Variants in PPA2 observed in about 807,000 individuals in gnomAD.
PPA2 encodes the protein inorganic pyrophosphatase 2, mitochondrial.
A neutral mutation model predicts 49.5 loss-of-function variants in PPA2; 48 were observed. The ratio of observed to expected loss-of-function variants is 0.97; its 90% CI spans 0.77 to 1.23. The LOEUF is 1.23. PPA2 is among the 50% of genes most tolerant of loss of function. The pLI is 0.00. For synonymous variants in PPA2, 131 were observed against 139.9 expected (o/e 0.94, Z 0.45); for missense variants, 429 against 410.1 (o/e 1.05, Z -0.40).
intron 7 of PPA2, among the ~76,000 whole-genome samples, chr4:105,412,796 C>T (rs1722823694): frequency 6.6e-6 from 1 of 152,162 alleles, no homozygotes; most frequent in African/African-American, 2.4e-5. Context: ...TCATCTCACG[C>T]CAGTTAGAAT....
At chr4:105,375,709 G>A (rs1427803318) in intron 10 of PPA2, among the ~76,000 whole-genome samples, 1 of 152,026 alleles carries the variant, frequency 6.6e-6, no homozygotes, top group African/African-American at 2.4e-5. Context: ...CAGATGCCAG[G>A]GAATGCCTTC....
intron 7 of PPA2, among the ~76,000 whole-genome samples, chr4:105,407,870 T>C (rs1284352224): frequency 6.6e-6 from 1 of 152,138 alleles, no homozygotes; most frequent in Non-Finnish European, 1.5e-5. Context: ...CACAGGGGTA[T>C]GTGGGAATTT....
chr4:105,376,471 TATC>T (rs1358682840), intron 10 of PPA2, among the ~76,000 whole-genome samples: 1 of 152,218 alleles, frequency 6.6e-6, no homozygotes, highest in Admixed American at 6.5e-5. Flanking sequence ...CCATCATCAC[TATC>T]ATCTCTGAGT....
chr4:105,446,518 A>G lies in PPA2; in HGVS notation c.322-16T>C, dbSNP rs1209009969. 2 of 1,594,266 alleles carry G rather than the reference A, an allele frequency of 1.3e-6. No individual in the cohort carries two copies. The highest frequency in any genetic ancestry group is 1.4e-5 in the African/African-American group (1 of 73,936). On this transcript the variant is annotated splice_polypyrimidine_tract_variant and intron_variant, in intron 4 of 11. Transcript: ENST00000341695. The stretch of plus-strand genomic sequence containing the variant: ...TGGTGGCAATCTAAGCAAATCACAG[A>G]AGGAAGAAAAGGAGATGGGATAAGA...
intron 7 of PPA2, among the ~76,000 whole-genome samples, chr4:105,420,288 T>A (rs992151443): frequency 2.0e-5 from 3 of 152,138 alleles, no homozygotes; most frequent in Non-Finnish European, 4.4e-5. Flanking sequence ...TTTATTTATT[T>A]ATAGAAACGA....
chr4:105,370,889 G>A lies in PPA2; in HGVS notation c.940-16C>T. The A allele has an allele frequency of 2.7e-6, 4 of 1,467,660 alleles. No homozygotes were observed. Among genetic ancestry groups the A allele is most frequent in the East Asian group, 2.6e-5 (1 of 38,690 alleles). 90.9% of individuals were successfully genotyped at this position (1,467,660 alleles called of 1,614,324 possible). ...AAGATGATACCTGGAAATAAAAACA[G>A]AGAAAGAATCTCTGTTACAATAAAT... On this transcript the variant is annotated splice_polypyrimidine_tract_variant and intron_variant, in intron 10 of 11. Coordinates refer to ENST00000341695, the MANE Select transcript of PPA2 (RefSeq NM_176869.3).
At chr4:105,420,490 AC>A (rs1723204071) in intron 7 of PPA2, among the ~76,000 whole-genome samples, 2 of 152,132 alleles carry the variant, frequency 1.3e-5, no homozygotes, top group African/African-American at 4.8e-5. Context: ...TTACACACAT[AC>A]CCAGAAAACT....
chr4:105,417,987 G>A (rs61701388), intron 7 of PPA2, among the ~76,000 whole-genome samples: 1,916 of 152,140 alleles, frequency 0.013, 46 homozygotes, highest in African/African-American at 0.041. Flanking sequence ...CCATCCACGC[G>A]GTGCCTCAGT....
intron 1 of PPA2, among the ~76,000 whole-genome samples, chr4:105,463,473 A>C (rs1723175839): frequency 1.3e-5 from 2 of 152,232 alleles, no homozygotes. Flanking sequence ...AGAGAAAAGA[A>C]AATCCCATTT....
At chr4:105,473,624 A>G in intron 1 of PPA2, 1 of 687,048 alleles carries the variant, frequency 1.5e-6, no homozygotes. Context: ...GGCGGCTGGC[A>G]GGGCACAGGG....
intron 2 of PPA2, 84 bp from the exon 3 acceptor site, chr4:105,453,726 G>C: frequency 9.6e-7 from 1 of 1,042,094 alleles, no homozygotes; most frequent in Non-Finnish European, 1.4e-6. Context: ...TATGACTATT[G>C]TATAGACATT....
intron 7 of PPA2, chr4:105,405,926 A>G (rs1326510420): frequency 1.8e-5 from 8 of 435,250 alleles, no homozygotes; most frequent in South Asian, 8.2e-5. Context: ...GATTTATTGT[A>G]TATACTGGAA....
chr4:105,417,647 C>G (rs1442925179), intron 7 of PPA2, among the ~76,000 whole-genome samples: 3 of 151,814 alleles, frequency 2.0e-5, no homozygotes, highest in African/African-American at 7.3e-5. Flanking sequence ...AATTTTTTAA[C>G]TCGATTTGTC....
intron 10 of PPA2, 135 bp from the exon 11 acceptor site, chr4:105,371,008 T>C: frequency 1.3e-6 from 1 of 785,238 alleles, no homozygotes; most frequent in Non-Finnish European, 1.7e-6. Flanking sequence ...AAGGTAAATA[T>C]TCCCCTTTGC....
intron 7 of PPA2, 25 bp downstream of exon 7, chr4:105,424,171 A>G: frequency 1.9e-6 from 3 of 1,592,788 alleles, no homozygotes; most frequent in Non-Finnish European, 1.7e-6. Context: ...ATTTGCTTTC[A>G]CTTTCTGGAA....
At chr4:105,469,434 G>A (rs1297202281) in intron 1 of PPA2, among the ~76,000 whole-genome samples, 1 of 152,196 alleles carries the variant, frequency 6.6e-6, no homozygotes, top group African/African-American at 2.4e-5. Context: ...TGAGAAAATT[G>A]AATGGAATGT....
chr4:105,469,172 G>T (rs1457100093), intron 1 of PPA2, among the ~76,000 whole-genome samples: 1 of 152,224 alleles, frequency 6.6e-6, no homozygotes, highest in Non-Finnish European at 1.5e-5. Flanking sequence ...ATAAATGATT[G>T]TAGTCACTGT....
intron 1 of PPA2, among the ~76,000 whole-genome samples, chr4:105,463,589 C>T (rs1416192757): frequency 1.3e-5 from 2 of 152,214 alleles, no homozygotes; most frequent in African/African-American, 2.4e-5. Flanking sequence ...ATGTCAGAGG[C>T]CTTCACGGCA....
chr4:105,424,431 G>C, intron 6 of PPA2, 109 bp from the exon 7 acceptor site: 1 of 969,334 alleles, frequency 1.0e-6, no homozygotes, highest in East Asian at 3.1e-5. Context: ...ATGTAACAAA[G>C]CCTCAATAAT....
Sources: allele counts gnomAD v4.1 joint callset (sites outside exome capture counted in the v4.1 genomes callset), GRCh38; gene constraint gnomAD v4.1.1; transcripts MANE v1.5; gene names NCBI Gene and HGNC (gene_info 2026-07-23, HGNC 2026-07-21).